The following FAM120A variants were observed in gnomAD, a reference collection of about 807,000 sequenced individuals.
FAM120A encodes the protein constitutive coactivator of PPAR-gamma-like protein 1.
FAM120A carries 15 observed loss-of-function variants against 109.7 expected under a neutral mutation model. The ratio of observed to expected loss-of-function variants is 0.14; its 90% CI spans 0.09 to 0.21. The LOEUF (loss-of-function observed/expected upper bound fraction) is 0.21, where lower values mean the gene tolerates loss of function less well. FAM120A is among the 10% of genes least tolerant of loss of function. The pLI is 1.00. For synonymous variants in FAM120A, 493 were observed against 572.8 expected (o/e 0.86, Z 1.99); for missense variants, 899 against 1,439.3 (o/e 0.62, Z 6.07).
chr9:93,465,164 T>G (rs1857964601), intron 1 of FAM120A, among the ~76,000 whole-genome samples: 1 of 152,238 alleles, frequency 6.6e-6, no homozygotes. Context: ...AATAACTGCC[T>G]TGTAAGTTAT....
intron 11 of FAM120A, among the ~76,000 whole-genome samples, 197 bp from the exon 12 acceptor site, chr9:93,550,380 A>G (rs1015607684): frequency 7.9e-5 from 12 of 152,238 alleles, no homozygotes; most frequent in African/African-American, 2.9e-4. Context: ...TTCTAAAGTA[A>G]AACATTCTGA....
At chr9:93,487,838 T>C (rs1037105795) in intron 3 of FAM120A, among the ~76,000 whole-genome samples, 1 of 152,228 alleles carries the variant, frequency 6.6e-6, no homozygotes, top group Non-Finnish European at 1.5e-5. Context: ...TCAGTAAAAC[T>C]GATTTAAAAA....
intron 12 of FAM120A, among the ~76,000 whole-genome samples, chr9:93,554,161 A>ACG (rs987356674): frequency 6.7e-6 from 1 of 148,966 alleles, no homozygotes; most frequent in African/African-American, 2.5e-5. Flanking sequence ...ACACACACAC[A>ACG]CACACACACA....
chr9:93,498,449 C>T lies in FAM120A; in HGVS notation c.934-341C>T, dbSNP rs944023643. ...AGGAACATCCCCAGTCTGTCACTGC[C>T]ATCCGTTCCCTTGGTACAGATGGCT... On this transcript the variant is annotated intron_variant, in intron 4 of 17. Coordinates refer to ENST00000277165, the MANE Select transcript of FAM120A (RefSeq NM_014612.5). The surrounding 1 kb of genome is among the most constrained non-coding windows in gnomAD (Gnocchi z 4.4). Among the ~76,000 whole-genome samples the T allele has an allele frequency of 2.2e-4, 33 of 152,284 alleles. No homozygotes were observed. The highest frequency in any genetic ancestry group is 7.7e-4 in the African/African-American group (32 of 41,556).
intron 7 of FAM120A, among the ~76,000 whole-genome samples, chr9:93,519,775 G>A (rs1054972628): frequency 3.9e-5 from 6 of 152,210 alleles, no homozygotes; most frequent in Admixed American, 2.6e-4. Flanking sequence ...CTTTTAAAGG[G>A]TGGTAGTGAT....
intron 3 of FAM120A, among the ~76,000 whole-genome samples, chr9:93,486,162 A>G (rs1458760429): frequency 6.6e-6 from 1 of 151,712 alleles, no homozygotes; most frequent in African/African-American, 2.4e-5. Flanking sequence ...TTTTTTAGAG[A>G]CAGGGTTTCA....
chr9:93,501,697 GACGGGTATGCAGTCTGGA>G, intron 5 of FAM120A, among the ~76,000 whole-genome samples: 1 of 152,318 alleles, frequency 6.6e-6, no homozygotes, highest in Non-Finnish European at 1.5e-5. Flanking sequence ...ATTTTAAGAT[GACGGGTATGCAGTCTGGA>G]ATGGCAGGAG....
Position 93,532,278 on chromosome 9 carries a change from A to G in FAM120A, c.1858A>G (p.Arg620Gly). ...YGVLFSLAES[R>G]KKTERLAFRK... ...AGTCCTGTTTAGTTTGGCAGAAAGC[A>G]GAAAGAAAACTGAGAGACTTGCTTT... Residue 620 changes from arginine to glycine, a missense_variant, in exon 10 of 18, where the codon AGA becomes GGA. Physicochemically the swap from Arg to Gly is moderately radical, Grantham distance 125. Coordinates refer to ENST00000277165, the MANE Select transcript of FAM120A (RefSeq NM_014612.5). This position sits in a 1 kb window ranked among gnomAD's most constrained non-coding sequence, Gnocchi z 4.3. The G allele has an allele frequency of 6.2e-7, 1 of 1,614,280 alleles. No individual in the cohort carries two copies. The highest frequency in any genetic ancestry group is 8.5e-7 in the Non-Finnish European group (1 of 1,180,050).
intron 5 of FAM120A, among the ~76,000 whole-genome samples, chr9:93,510,559 A>G (rs1286766572): frequency 2.6e-5 from 4 of 152,162 alleles, no homozygotes; most frequent in African/African-American, 7.2e-5. Flanking sequence ...GACAGAAACT[A>G]ATTTATCTTA....
In FAM120A at chr9:93,452,674, A is replaced by G; in HGVS notation, c.474+285A>G. The G allele has an allele frequency of 6.3e-7, 1 of 1,598,848 alleles. No homozygotes were observed. The highest frequency in any genetic ancestry group is 1.1e-5 in the South Asian group (1 of 91,092). Reference sequence around the variant, plus strand: ...CCCCGGACCAGAATTCGGAGGCGACAGTGTCATCATCCCCAATATCCTTAG... The same window carrying G: ...CCCCGGACCAGAATTCGGAGGCGACGGTGTCATCATCCCCAATATCCTTAG... On this transcript the variant is annotated intron_variant, in intron 1 of 17. Transcript: ENST00000277165. This position sits in a 1 kb window ranked among gnomAD's most constrained non-coding sequence, Gnocchi z 7.0.
chr9:93,527,545 C>T (rs568304225), intron 8 of FAM120A, among the ~76,000 whole-genome samples: 24 of 150,916 alleles, frequency 1.6e-4, no homozygotes, highest in African/African-American at 4.6e-4. Context: ...GAAAAGGCAC[C>T]GGGGATGCTA....
chr9:93,483,542 A>G (rs1057355830), intron 3 of FAM120A, among the ~76,000 whole-genome samples: 2 of 152,098 alleles, frequency 1.3e-5, no homozygotes, highest in Non-Finnish European at 2.9e-5. Context: ...TTAAAAATTC[A>G]TTTTTATTAT....
chr9:93,499,895 A>AT (rs1484103980), intron 5 of FAM120A, among the ~76,000 whole-genome samples: 2 of 152,252 alleles, frequency 1.3e-5, no homozygotes, highest in Non-Finnish European at 2.9e-5. Flanking sequence ...TTATTCAAGC[A>AT]TAGTGTCTGC....
At chr9:93,538,019 A>G (rs1588894350) in intron 10 of FAM120A, among the ~76,000 whole-genome samples, 1 of 150,118 alleles carries the variant, frequency 6.7e-6, no homozygotes, top group East Asian at 2.0e-4. Context: ...ATTAATATTC[A>G]TTTCATAAGT....
Position 93,451,727 on chromosome 9 carries a change from T to G in FAM120A, c.-189T>G. ...GGCAGCGGCGGCGGCGGCAGGTCCC[T>G]CCCCAGACATGGCCCTGGGAGGCGG... On this transcript the variant is annotated 5_prime_UTR_variant, in exon 1 of 18. Coordinates refer to ENST00000277165, the MANE Select transcript of FAM120A (RefSeq NM_014612.5). The G allele has an allele frequency of 1.0e-6, 1 of 970,404 alleles. No homozygotes were observed. Among genetic ancestry groups the G allele is most frequent in the Non-Finnish European group, 1.2e-6 (1 of 828,482 alleles). 60.1% of individuals were successfully genotyped at this position (970,404 alleles called of 1,614,324 possible).
At position 93,561,267 on chromosome 9, in the gene FAM120A, G is replaced by A. The variant is rs778525488; in HGVS notation, c.2948+17G>A. 4.4e-6 allele frequency: 7 copies of A among 1,591,936 alleles called. No homozygotes were observed. Among genetic ancestry groups the A allele is most frequent in the South Asian group, 1.2e-5 (1 of 86,596 alleles). On this transcript the variant is annotated intron_variant, in intron 16 of 17. Coordinates refer to ENST00000277165, the MANE Select transcript of FAM120A (RefSeq NM_014612.5). The stretch of plus-strand genomic sequence containing the variant: ...AGCTAGAGGGTAAGTTCTGAGCCAC[G>A]AAAATGTCTTTTGTATAAGTAAAGA...
intron 10 of FAM120A, among the ~76,000 whole-genome samples, chr9:93,536,004 G>A (rs760946788): frequency 2.6e-5 from 4 of 152,006 alleles, no homozygotes; most frequent in Admixed American, 6.6e-5. Context: ...TCTATTAATT[G>A]GTAACACATA....
intron 1 of FAM120A, among the ~76,000 whole-genome samples, chr9:93,457,367 A>G (rs1280559734): frequency 6.6e-6 from 1 of 151,486 alleles, no homozygotes; most frequent in African/African-American, 2.4e-5. Context: ...CATAAGTTAT[A>G]TAATATATAT....
intron 10 of FAM120A, among the ~76,000 whole-genome samples, chr9:93,537,201 C>T (rs527390680): frequency 3.9e-5 from 6 of 152,320 alleles, no homozygotes; most frequent in African/African-American, 1.4e-4. Flanking sequence ...GGTTACATGC[C>T]TCAATGGCTT....
Sources: gnomAD v4.1 joint callset for allele counts (sites outside exome capture counted in the v4.1 genomes callset) on GRCh38, gnomAD v4.1.1 for gene constraint, Gnocchi (gnomAD v3.1) non-coding constraint, MANE v1.5 for transcripts, NCBI Gene and HGNC (gene_info 2026-07-23, HGNC 2026-07-21) for gene names.